PDSS2: variants seen among roughly 807,000 people sequenced by gnomAD.
The protein encoded by PDSS2 is decaprenyl diphosphate synthase subunit 2.
PDSS2 carries 31 observed loss-of-function variants against 44.5 expected under a neutral mutation model. That is an observed-to-expected ratio of 0.70 (90% CI 0.52 to 0.94). The LOEUF (loss-of-function observed/expected upper bound fraction) is 0.94, where lower values mean the gene tolerates loss of function less well. Among genes scored for constraint, PDSS2 ranks in the 40% least tolerant of loss-of-function variants. The pLI is 0.00. For synonymous variants in PDSS2, 157 were observed against 180.3 expected, an observed-to-expected ratio of 0.87 and a Z score of 1.03; for missense variants, 452 against 482.2, an observed-to-expected ratio of 0.94 and a Z score of 0.59.
At chr6:107,282,130 C>T (rs182293155) in intron 2 of PDSS2, among the ~76,000 whole-genome samples, 253 of 152,028 alleles carry the variant, frequency 1.7e-3, no homozygotes, top group Admixed American at 2.7e-3. Context: ...GGTCTCGAAC[C>T]GCTGACCTCA....
chr6:107,291,536 T>C (rs1776347583), intron 2 of PDSS2, among the ~76,000 whole-genome samples: 1 of 116,542 alleles, frequency 8.6e-6, no homozygotes, highest in Non-Finnish European at 1.9e-5. Context: ...TTTTTTTTTT[T>C]TTTTTAAGTA....
rs1779577655 is a variant in PDSS2 at position 107,385,289 on chromosome 6, AG to A, written c.297-50958del. On this transcript the variant is annotated intron_variant, in intron 1 of 7. Coordinates refer to ENST00000369037, the MANE Select transcript of PDSS2 (RefSeq NM_020381.4). The stretch of plus-strand genomic sequence containing the variant: ...TGAGGCAGGAGAACTGTTTGAGCCC[AG>A]GAGTTTGAATCCAGCCTGTGAAACA... Among the ~76,000 whole-genome samples, 3 of 152,112 alleles carry A rather than the reference AG, an allele frequency of 2.0e-5. No individual in the cohort carries two copies. The South Asian group carries it at 6.2e-4, about 32-fold the overall frequency.
intron 6 of PDSS2, among the ~76,000 whole-genome samples, chr6:107,200,293 C>T (rs991768531): frequency 2.0e-5 from 3 of 152,148 alleles, no homozygotes; most frequent in South Asian, 4.1e-4. Context: ...TGGTTAATAA[C>T]TTGAATAATT....
intron 1 of PDSS2, among the ~76,000 whole-genome samples, chr6:107,425,836 C>T (rs1007801508): frequency 2.0e-5 from 3 of 152,124 alleles, no homozygotes; most frequent in Non-Finnish European, 4.4e-5. Context: ...TGGCAGGCAC[C>T]TGTAGTCCCA....
chr6:107,319,323 C>T (rs770163931), intron 2 of PDSS2, among the ~76,000 whole-genome samples: 18 of 152,138 alleles, frequency 1.2e-4, no homozygotes, highest in Non-Finnish European at 2.2e-4. Flanking sequence ...CTTTTAAACA[C>T]CAGCTGTAGT....
chr6:107,187,365 C>T (rs1435424948), intron 7 of PDSS2, among the ~76,000 whole-genome samples: 2 of 152,070 alleles, frequency 1.3e-5, no homozygotes, highest in Admixed American at 1.3e-4. Flanking sequence ...ATGTATTACA[C>T]AGTCAATATA....
intron 7 of PDSS2, among the ~76,000 whole-genome samples, chr6:107,160,032 A>G (rs1178463387): frequency 6.6e-6 from 1 of 152,060 alleles, no homozygotes; most frequent in Non-Finnish European, 1.5e-5. Flanking sequence ...ACTGGCCAAT[A>G]TGGTAAAACT....
intron 1 of PDSS2, among the ~76,000 whole-genome samples, chr6:107,352,365 C>T (rs1778458326): frequency 6.6e-6 from 1 of 152,140 alleles, no homozygotes; most frequent in Admixed American, 6.6e-5. Flanking sequence ...AGAATATGGA[C>T]TTCCTCCCAT....
chr6:107,306,086 G>A (rs1776850848), intron 2 of PDSS2, among the ~76,000 whole-genome samples: 1 of 152,180 alleles, frequency 6.6e-6, no homozygotes, highest in Admixed American at 6.5e-5. Context: ...ATGGGTGACA[G>A]AAGTACAATC....
At chr6:107,391,157 T>C (rs1779767874) in intron 1 of PDSS2, among the ~76,000 whole-genome samples, 1 of 151,996 alleles carries the variant, frequency 6.6e-6, no homozygotes, top group South Asian at 2.1e-4. Flanking sequence ...TTTATTCTTG[T>C]GGAAGAGATA....
chr6:107,457,270 T>A (rs1415082109), intron 1 of PDSS2, among the ~76,000 whole-genome samples: 1 of 152,204 alleles, frequency 6.6e-6, no homozygotes, highest in Non-Finnish European at 1.5e-5. Context: ...TGTATCAACA[T>A]AAATACCCTG....
intron 4 of PDSS2, among the ~76,000 whole-genome samples, chr6:107,228,714 A>G (rs9386629): frequency 2.3e-5 from 3 of 128,406 alleles, no homozygotes; most frequent in Non-Finnish European, 5.0e-5. Flanking sequence ...AAATAAATAA[A>G]TAAATAAACA....
At chr6:107,179,171 C>A in intron 7 of PDSS2, among the ~76,000 whole-genome samples, 1 of 152,186 alleles carries the variant, frequency 6.6e-6, no homozygotes. Flanking sequence ...TTAGCATAAT[C>A]TTCTTAGATC....
intron 4 of PDSS2, among the ~76,000 whole-genome samples, chr6:107,228,237 C>G (rs1773901189): frequency 6.6e-6 from 1 of 152,200 alleles, no homozygotes; most frequent in Admixed American, 6.5e-5. Flanking sequence ...AAAAGGGCCA[C>G]TATACATACT....
intron 7 of PDSS2, among the ~76,000 whole-genome samples, chr6:107,165,282 G>A (rs1438730695): frequency 1.3e-5 from 2 of 152,122 alleles, no homozygotes; most frequent in African/African-American, 4.8e-5. Flanking sequence ...TTCTTCTAGG[G>A]TTTTTATGGT....
intron 1 of PDSS2, among the ~76,000 whole-genome samples, chr6:107,430,627 G>A (rs762472466): frequency 2.0e-5 from 3 of 152,118 alleles, no homozygotes; most frequent in African/African-American, 7.2e-5. Flanking sequence ...CTGGCCACAT[G>A]GTGAAACCCC....
At chr6:107,298,923 C>T (rs912902840) in intron 2 of PDSS2, among the ~76,000 whole-genome samples, 2 of 152,036 alleles carry the variant, frequency 1.3e-5, no homozygotes, top group African/African-American at 4.8e-5. Flanking sequence ...AGGCGAATCG[C>T]CTGAGCTCAG....
At chr6:107,276,749 A>G (rs1029833026) in intron 2 of PDSS2, among the ~76,000 whole-genome samples, 4 of 152,214 alleles carry the variant, frequency 2.6e-5, no homozygotes, top group African/African-American at 9.6e-5. Flanking sequence ...TCAATGGGAC[A>G]TCGGCAAATG....
intron 6 of PDSS2, among the ~76,000 whole-genome samples, chr6:107,199,071 C>T (rs761226064): frequency 6.6e-6 from 1 of 152,184 alleles, no homozygotes. Flanking sequence ...TGATATTTCT[C>T]ATTAAATACT....
Sources: allele counts gnomAD v4.1 joint callset (sites outside exome capture counted in the v4.1 genomes callset), GRCh38; gene constraint gnomAD v4.1.1; transcripts MANE v1.5; gene names NCBI Gene and HGNC (gene_info 2026-07-23, HGNC 2026-07-21).